Variants in SEMA4D observed in about 807,000 individuals in gnomAD.
SEMA4D encodes the protein semaphorin 4D.
Under a neutral mutation model 74.8 loss-of-function variants are expected in SEMA4D, and 22 were observed. The observed-to-expected ratio is 0.29, with a 90% CI of 0.21 to 0.42. The LOEUF is 0.42. SEMA4D is among the 10% of genes least tolerant of loss of function. The probability of loss-of-function intolerance (pLI) is 1.00; values close to 1 mark genes in which losing one functional copy is unlikely to be tolerated. For synonymous variants in SEMA4D, 445 were observed against 463.7 expected (o/e 0.96, Z 0.52); for missense variants, 937 against 1,118.4 (o/e 0.84, Z 2.31).
rs539197560 is a variant in SEMA4D at position 89,442,957 on chromosome 9, G to C, written c.-244+12931C>G. The stretch of plus-strand genomic sequence containing the variant: ...CACACAGCCTGTGAGACTTTTAAGG[G>C]CCTTCACTGGGGCTAGAGCAACCTC... On this transcript the variant is annotated intron_variant, in intron 2 of 15. Transcript: ENST00000422704. Among the ~76,000 whole-genome samples, 6 of 152,358 alleles carry C rather than the reference G, an allele frequency of 3.9e-5. No individual in the cohort carries two copies. In the East Asian group the frequency reaches 1.2e-3, roughly 29 times the overall value.
intron 1 of SEMA4D, among the ~76,000 whole-genome samples, chr9:89,488,729 A>G (rs1179473934): frequency 6.6e-6 from 1 of 152,242 alleles, no homozygotes; most frequent in Admixed American, 6.5e-5. Context: ...TCAGAAGAAA[A>G]CACAGATAAT....
intron 6 of SEMA4D, among the ~76,000 whole-genome samples, chr9:89,395,538 T>C (rs968511060): frequency 6.6e-6 from 1 of 152,240 alleles, no homozygotes; most frequent in East Asian, 1.9e-4. Flanking sequence ...GACAGAACTT[T>C]AAGCTTCTGA....
chr9:89,407,561 C>T (rs937148879), intron 2 of SEMA4D, among the ~76,000 whole-genome samples: 15 of 152,258 alleles, frequency 9.9e-5, no homozygotes, highest in African/African-American at 3.1e-4. Context: ...CTCCAGTCCA[C>T]TGCCACAAAG....
intron 3 of SEMA4D, among the ~76,000 whole-genome samples, chr9:89,404,643 C>G (rs1453089437): frequency 6.8e-6 from 1 of 147,998 alleles, no homozygotes; most frequent in African/African-American, 2.5e-5. Context: ...GTCCCCATCC[C>G]GACCTCAGCC....
At position 89,363,804 on chromosome 9, in the gene SEMA4D, A is replaced by G. The variant is rs775939921; in HGVS notation, c.2029T>C (p.Cys677Arg). The change falls in exon 17 of 19, where the codon TGC (cysteine) becomes CGC (arginine). Residue 677 changes from cysteine (C) to arginine (R), a missense_variant. Physicochemically the swap from Cys to Arg is radical, Grantham distance 180. Transcript: ENST00000339861. The stretch of plus-strand genomic sequence containing the variant: ...TTCCCTGCTGAGGAGAGGACAGAGC[A>G]GCGATACTCAGCGCTTTCCCTGATG... 6 of 1,614,082 alleles carry G rather than the reference A, an allele frequency of 3.7e-6. No homozygotes were observed. In the East Asian group the frequency reaches 1.3e-4, roughly 36 times the overall value.
At chr9:89,422,911 G>T (rs1473098932) in intron 2 of SEMA4D, among the ~76,000 whole-genome samples, 1 of 152,190 alleles carries the variant, frequency 6.6e-6, no homozygotes, top group African/African-American at 2.4e-5. Context: ...CAAGTGCTGG[G>T]ATCTTTAGTA....
intron 1 of SEMA4D, among the ~76,000 whole-genome samples, chr9:89,462,813 A>C (rs1232606235): frequency 6.7e-6 from 1 of 150,112 alleles, no homozygotes; most frequent in Non-Finnish European, 1.5e-5. Context: ...GTGTGGTGAC[A>C]TGCACCTGTA....
At chr9:89,442,725 G>T (rs1851934727) in intron 2 of SEMA4D, among the ~76,000 whole-genome samples, 1 of 152,172 alleles carries the variant, frequency 6.6e-6, no homozygotes, top group Non-Finnish European at 1.5e-5. Context: ...GGTTCCTGGG[G>T]TTCATAACTG....
At chr9:89,412,938 C>G (rs1844850474) in intron 2 of SEMA4D, among the ~76,000 whole-genome samples, 1 of 152,186 alleles carries the variant, frequency 6.6e-6, no homozygotes, top group Admixed American at 6.5e-5. Flanking sequence ...CCTGCGAGTT[C>G]TTTCAGAACA....
chr9:89,374,024 A>G (rs1835459270), downstream of SEMA4D, among the ~76,000 whole-genome samples: 1 of 152,168 alleles, frequency 6.6e-6, no homozygotes, highest in African/African-American at 2.4e-5. Context: ...GAAAAGGCTG[A>G]AGCCACTCTC....
At chr9:89,428,439 C>T (rs1333022955) in intron 2 of SEMA4D, among the ~76,000 whole-genome samples, 4 of 152,244 alleles carry the variant, frequency 2.6e-5, no homozygotes, top group East Asian at 1.9e-4. Flanking sequence ...GGGTGCCAGG[C>T]GGCAGCAGAG....
intron 1 of SEMA4D, among the ~76,000 whole-genome samples, chr9:89,479,322 T>C (rs1178426596): frequency 6.6e-6 from 1 of 152,170 alleles, no homozygotes; most frequent in Admixed American, 6.5e-5. Flanking sequence ...AATGGCGAGA[T>C]TGGCCACCAT....
intron 16 of SEMA4D, among the ~76,000 whole-genome samples, chr9:89,372,123 G>A (rs1204034732): frequency 2.1e-5 from 1 of 47,480 alleles, no homozygotes; most frequent in Non-Finnish European, 4.1e-5. Context: ...GGTGTGTGGG[G>A]TGTGTGTGTT....
At chr9:89,360,821 G>T (rs1832704892) in exon 19 of SEMA4D, 1 of 152,152 alleles carries the variant, frequency 6.6e-6, no homozygotes, top group Non-Finnish European at 1.5e-5. Flanking sequence ...ATTTTTTCCA[G>T]CAGAGCAAAG....
intron 2 of SEMA4D, among the ~76,000 whole-genome samples, chr9:89,424,540 C>T (rs77696456): frequency 0.015 from 2,277 of 152,160 alleles, 62 homozygotes; most frequent in African/African-American, 0.051. Context: ...CAAATTCCTT[C>T]GAGCTCTTTT....
intron 1 of SEMA4D, among the ~76,000 whole-genome samples, chr9:89,496,853 G>A (rs1826057581): frequency 6.6e-6 from 1 of 152,206 alleles, no homozygotes; most frequent in Non-Finnish European, 1.5e-5. Context: ...GGAAACTTCC[G>A]TTCCGTGGCG....
chr9:89,432,898 C>T (rs1849581414), intron 2 of SEMA4D, among the ~76,000 whole-genome samples: 1 of 152,160 alleles, frequency 6.6e-6, no homozygotes, highest in South Asian at 2.1e-4. Flanking sequence ...CTCAAAGAGA[C>T]GTGTACACTC....
intron 13 of SEMA4D, chr9:89,385,882 CT>C (rs1838348974): frequency 1.1e-6 from 1 of 930,728 alleles, no homozygotes; most frequent in African/African-American, 1.9e-5. Flanking sequence ...CCACCCACCC[CT>C]GCCAAGGGCT....
chr9:89,389,922 T>G (rs553666750), intron 9 of SEMA4D, among the ~76,000 whole-genome samples: 1 of 152,266 alleles, frequency 6.6e-6, no homozygotes, highest in South Asian at 2.1e-4. Flanking sequence ...GAAGGGTTCA[T>G]GTGTGCCTGC....
Sources: allele counts gnomAD v4.1 joint callset (sites outside exome capture counted in the v4.1 genomes callset), GRCh38; gene constraint gnomAD v4.1.1; transcripts MANE v1.5; gene names NCBI Gene and HGNC (gene_info 2026-07-23, HGNC 2026-07-21).